The following GSE1 variants were observed in gnomAD, a reference collection of about 807,000 sequenced individuals.
GSE1 encodes the protein Gse1 coiled-coil protein, also known as genetic suppressor element 1.
In GSE1, 32 loss-of-function variants were observed where a neutral mutation model predicts 112.6. The ratio of observed to expected loss-of-function variants is 0.28; its 90% confidence interval spans 0.21 to 0.38. The LOEUF is 0.38. Ranked by LOEUF, GSE1 falls within the 10% of genes least tolerant of loss-of-function variation. The probability of loss-of-function intolerance (pLI) is 1.00; values close to 1 mark genes in which losing one functional copy is unlikely to be tolerated. For synonymous variants in GSE1, 1,115 were observed against 735.6 expected (o/e 1.52, Z -8.35); for missense variants, 2,348 against 1,699.2 (o/e 1.38, Z -6.71).
chr16:85,552,925 C>T (rs565776563), upstream of GSE1, among the ~76,000 whole-genome samples: 4 of 152,352 alleles, frequency 2.6e-5, no homozygotes, highest in South Asian at 8.3e-4. Context: ...CTGCCATTAG[C>T]ATATACAGTG....
chr16:85,381,998 G>T (rs1176544082), intron 2 of GSE1, among the ~76,000 whole-genome samples: 1 of 152,232 alleles, frequency 6.6e-6, no homozygotes, highest in Non-Finnish European at 1.5e-5. Context: ...AGGCGTGCAG[G>T]CTGTCAGCCA....
intron 2 of GSE1, among the ~76,000 whole-genome samples, chr16:85,647,871 C>T (rs2051013172): frequency 6.6e-6 from 1 of 152,162 alleles, no homozygotes; most frequent in Non-Finnish European, 1.5e-5. Flanking sequence ...AGGCGGGAGC[C>T]ACCGCGCCCG....
intron 1 of GSE1, among the ~76,000 whole-genome samples, chr16:85,561,041 A>G (rs942637334): frequency 2.0e-5 from 3 of 151,822 alleles, no homozygotes; most frequent in Non-Finnish European, 4.4e-5. Context: ...CTGAGGTGAG[A>G]GGATCACCTG....
intron 1 of GSE1, among the ~76,000 whole-genome samples, chr16:85,580,804 C>G (rs999034147): frequency 7.2e-5 from 11 of 152,250 alleles, no homozygotes; most frequent in African/African-American, 2.7e-4. Context: ...TGCGCTGTCT[C>G]CGTCACGTGA....
At chr16:85,171,847 A>G in intron 1 of GSE1, 1 of 944,540 alleles carries the variant, frequency 1.1e-6, no homozygotes, top group Non-Finnish European at 1.3e-6. Context: ...CGCTTCCTCC[A>G]AAATCCATTC....
At chr16:85,501,721 C>A (rs1014702415) in intron 2 of GSE1, among the ~76,000 whole-genome samples, 3 of 152,168 alleles carry the variant, frequency 2.0e-5, no homozygotes, top group African/African-American at 7.2e-5. Flanking sequence ...TTTGGAGGTA[C>A]CAGTTCAGCC....
chr16:85,180,176 G>A (rs901926471), intron 1 of GSE1, among the ~76,000 whole-genome samples: 3 of 152,178 alleles, frequency 2.0e-5, no homozygotes, highest in Non-Finnish European at 4.4e-5. Flanking sequence ...TGATTAAATC[G>A]GTTGCTGGAT....
chr16:85,546,768 T>A (rs2044716203), intron 2 of GSE1, among the ~76,000 whole-genome samples: 1 of 152,196 alleles, frequency 6.6e-6, no homozygotes. Context: ...GAGGCTGGGA[T>A]GAAAGGGCAT....
chr16:85,304,601 C>CGGGGGGGGGG (rs1290541396), intron 1 of GSE1, among the ~76,000 whole-genome samples: 8 of 78,166 alleles, frequency 1.0e-4, no homozygotes, highest in Non-Finnish European at 1.5e-4. Flanking sequence ...AAGCCGGGGG[C>CGGGGGGGGGG]GGGGGGGTGG....
chr16:85,299,740 C>T (rs1178135129), intron 1 of GSE1, among the ~76,000 whole-genome samples: 1 of 152,038 alleles, frequency 6.6e-6, no homozygotes, highest in African/African-American at 2.4e-5. Context: ...CCAGCCTGGG[C>T]AACATAGTGG....
rs559213989 is a variant in GSE1, at chr16:85,296,918, C to T, written c.2284-60545C>T. Among the ~76,000 whole-genome samples, 650 of 152,356 alleles carry T rather than the reference C, an allele frequency of 4.3e-3. 3 individuals carry two copies. Among genetic ancestry groups the T allele is most frequent in the Admixed American group, 4.8e-3 (73 of 15,310 alleles). ...TGGGGTCTGAACCCAGGGGGTCTGT[C>T]GGCACGCCCAGGCTGCTCCCCCGGC... is the stretch of plus-strand genomic sequence containing the variant. On this transcript the variant is annotated intron_variant, in intron 1 of 2. Transcript: ENST00000637419.
chr16:85,171,435 T>C, exon 1 of GSE1: 2 of 985,098 alleles, frequency 2.0e-6, no homozygotes, highest in Non-Finnish European at 1.2e-6. Context: ...GTGCCAGGCC[T>C]GTGGACTCCA....
At chr16:85,431,803 C>T (rs1052602480) in intron 2 of GSE1, among the ~76,000 whole-genome samples, 1 of 152,376 alleles carries the variant, frequency 6.6e-6, no homozygotes, top group East Asian at 1.9e-4. Flanking sequence ...CCTCTCCTGA[C>T]AGCTTTATCA....
intron 1 of GSE1, among the ~76,000 whole-genome samples, chr16:85,572,999 A>G (rs1335132671): frequency 1.3e-5 from 2 of 152,138 alleles, no homozygotes; most frequent in Non-Finnish European, 2.9e-5. Flanking sequence ...CCTCCTGAGT[A>G]GCTGGGATTA....
intron 11 of GSE1, 98 bp downstream of exon 11, chr16:85,663,712 G>A (rs536503944): frequency 4.9e-5 from 60 of 1,233,084 alleles, no homozygotes; most frequent in Admixed American, 6.4e-5. Flanking sequence ...CAGGATCTGC[G>A]ATCACTGAGC....
At chr16:85,453,466 G>A (rs2049741576) in intron 2 of GSE1, among the ~76,000 whole-genome samples, 1 of 152,182 alleles carries the variant, frequency 6.6e-6, no homozygotes. Context: ...GCTGCTTGTG[G>A]GGGCTGGGTC....
intron 1 of GSE1, among the ~76,000 whole-genome samples, chr16:85,232,833 C>G (rs1318653175): frequency 6.6e-6 from 1 of 152,270 alleles, no homozygotes; most frequent in African/African-American, 2.4e-5. Context: ...TTTTCAGGAT[C>G]TCAACCCTAT....
At chr16:85,645,831 A>C (rs1319641244) in intron 2 of GSE1, among the ~76,000 whole-genome samples, 5 of 151,912 alleles carry the variant, frequency 3.3e-5, no homozygotes, top group African/African-American at 7.3e-5. Flanking sequence ...ACCTGCTTCT[A>C]CCACGCTTCC....
At chr16:85,588,532 G>A (rs1296551312) in intron 1 of GSE1, among the ~76,000 whole-genome samples, 1 of 152,230 alleles carries the variant, frequency 6.6e-6, no homozygotes, top group East Asian at 1.9e-4. Flanking sequence ...CAAATGAGGC[G>A]ATTAAAGAAA....
Sources: allele counts gnomAD v4.1 joint callset (sites outside exome capture counted in the v4.1 genomes callset), GRCh38; gene constraint gnomAD v4.1.1; transcripts MANE v1.5; gene names NCBI Gene and HGNC (gene_info 2026-07-23, HGNC 2026-07-21).